Variants in DAB1 observed in about 807,000 individuals in gnomAD.
DAB1 encodes the protein disabled homolog 1.
A neutral mutation model predicts 64.6 loss-of-function variants in DAB1; 15 were observed. The observed-to-expected ratio is 0.23, with a 90% confidence interval of 0.16 to 0.36. The LOEUF (loss-of-function observed/expected upper bound fraction) is 0.36, where lower values mean the gene tolerates loss of function less well. DAB1 is among the 10% of genes least tolerant of loss of function. The probability of loss-of-function intolerance (pLI) is 1.00; values close to 1 mark genes in which losing one functional copy is unlikely to be tolerated. For synonymous variants in DAB1, 235 were observed against 251.9 expected (o/e 0.93, Z 0.64); for missense variants, 596 against 706.7 (o/e 0.84, Z 1.78).
At chr1:58,533,349 T>C (rs1646465969) in intron 1 of DAB1, among the ~76,000 whole-genome samples, 1 of 152,236 alleles carries the variant, frequency 6.6e-6, no homozygotes. Context: ...GTCATGTTAC[T>C]GTTTTTCTAA....
At chr1:58,154,120 A>T (rs572166413) in intron 4 of DAB1, among the ~76,000 whole-genome samples, 2 of 152,126 alleles carry the variant, frequency 1.3e-5, no homozygotes, top group African/African-American at 4.8e-5. Context: ...TGAAGCCTTC[A>T]TTTTAAAAAA....
At chr1:57,134,714 T>G (rs967901944) in intron 4 of DAB1, among the ~76,000 whole-genome samples, 1 of 152,064 alleles carries the variant, frequency 6.6e-6, no homozygotes, top group Non-Finnish European at 1.5e-5. Flanking sequence ...TTAGAAAAGA[T>G]TTATCTTGAG....
intron 3 of DAB1, among the ~76,000 whole-genome samples, chr1:58,408,203 CAGAG>C (rs1030474393): frequency 2.6e-5 from 4 of 152,180 alleles, no homozygotes; most frequent in Non-Finnish European, 5.9e-5. Context: ...AGTGATCTGA[CAGAG>C]AGGCTCATTT....
At position 57,420,567 on chromosome 1, in the gene DAB1, A is replaced by C. The variant is rs567624214; in HGVS notation, c.-137+3363T>G. Among the ~76,000 whole-genome samples the C allele has an allele frequency of 3.9e-5, 6 of 152,360 alleles. 1 individual carries two copies. The South Asian group carries it at 1.2e-3, about 32-fold the overall frequency. On this transcript the variant is annotated intron_variant, in intron 1 of 14. Coordinates refer to ENST00000371236, the MANE Select transcript of DAB1 (RefSeq NM_001365792.1). ...GAAAGGTGACTTGCCAAACATCACA[A>C]AGTCAGAAGTAGCTGGATTCAATCC...
intron 4 of DAB1, among the ~76,000 whole-genome samples, chr1:58,307,846 G>A (rs573280664): frequency 2.6e-5 from 4 of 152,082 alleles, no homozygotes; most frequent in Non-Finnish European, 5.9e-5. Flanking sequence ...ATGAGCTGCA[G>A]ACTTGGCCAG....
At chr1:58,444,041 A>T (rs1645040060) in intron 3 of DAB1, among the ~76,000 whole-genome samples, 1 of 152,238 alleles carries the variant, frequency 6.6e-6, no homozygotes, top group Non-Finnish European at 1.5e-5. Flanking sequence ...CCTAGTGAAT[A>T]GTAATTGCTG....
intron 6 of DAB1, among the ~76,000 whole-genome samples, chr1:57,670,158 T>C (rs1252080766): frequency 6.6e-6 from 1 of 152,180 alleles, no homozygotes; most frequent in Non-Finnish European, 1.5e-5. Flanking sequence ...TTATTAATAA[T>C]AGAGAGGTGC....
intron 4 of DAB1, among the ~76,000 whole-genome samples, chr1:58,191,409 C>T (rs915892705): frequency 4.6e-5 from 7 of 152,002 alleles, no homozygotes; most frequent in African/African-American, 1.7e-4. Flanking sequence ...CAATCGGAAT[C>T]CCAATAATAT....
At chr1:58,524,193 C>T (rs1287041086) in intron 2 of DAB1, among the ~76,000 whole-genome samples, 1 of 152,198 alleles carries the variant, frequency 6.6e-6, no homozygotes, top group Non-Finnish European at 1.5e-5. Flanking sequence ...TCCTTTATGG[C>T]ATTATCTTTT....
At chr1:57,641,379 GTTTTTTTT>G (rs34105483) in intron 7 of DAB1, among the ~76,000 whole-genome samples, 2 of 109,968 alleles carry the variant, frequency 1.8e-5, no homozygotes, top group Admixed American at 2.2e-4. Flanking sequence ...TTTTTTGTTG[GTTTTTTTT>G]TTTTTTTTTT....
intron 7 of DAB1, among the ~76,000 whole-genome samples, chr1:57,443,643 G>T (rs1230184942): frequency 2.6e-5 from 4 of 152,150 alleles, no homozygotes; most frequent in Non-Finnish European, 5.9e-5. Context: ...GAGCACACTT[G>T]TTAAATGCCT....
At chr1:57,995,552 T>G (rs1165460629) in intron 5 of DAB1, among the ~76,000 whole-genome samples, 2 of 152,218 alleles carry the variant, frequency 1.3e-5, no homozygotes, top group Non-Finnish European at 2.9e-5. Flanking sequence ...AGTTGGTTAT[T>G]AATAAAATAT....
chr1:57,758,125 T>C (rs1648903141), intron 6 of DAB1, among the ~76,000 whole-genome samples: 1 of 152,154 alleles, frequency 6.6e-6, no homozygotes, highest in Non-Finnish European at 1.5e-5. Context: ...CTTTATAGAA[T>C]TAAATGGAAT....
chr1:57,559,085 C>G (rs1261379147), intron 7 of DAB1, among the ~76,000 whole-genome samples: 1 of 152,168 alleles, frequency 6.6e-6, no homozygotes, highest in African/African-American at 2.4e-5. Context: ...GTACATTCAA[C>G]CATCAAAGGC....
At chr1:57,219,607 T>A (rs2100374859) in intron 2 of DAB1, among the ~76,000 whole-genome samples, 1 of 152,224 alleles carries the variant, frequency 6.6e-6, no homozygotes, top group South Asian at 2.1e-4. Context: ...TATATAAGAC[T>A]CCATTTTAGC....
At chr1:57,186,675 G>C (rs767487933) in intron 2 of DAB1, among the ~76,000 whole-genome samples, 3 of 152,262 alleles carry the variant, frequency 2.0e-5, no homozygotes, top group East Asian at 1.9e-4. Context: ...ACCCCACAGA[G>C]GCATATTATT....
intron 6 of DAB1, among the ~76,000 whole-genome samples, chr1:57,728,200 T>C (rs749278281): frequency 1.2e-4 from 19 of 152,216 alleles, no homozygotes; most frequent in Non-Finnish European, 2.1e-4. Flanking sequence ...TGCATGTGCC[T>C]GTTTTTTTCT....
intron 1 of DAB1, among the ~76,000 whole-genome samples, chr1:58,540,722 A>G (rs1451922856): frequency 6.6e-6 from 1 of 151,534 alleles, no homozygotes; most frequent in Non-Finnish European, 1.5e-5. Context: ...TAATAAAAAA[A>G]GGCACAGGGC....
At chr1:57,931,013 A>C (rs1007420303) in intron 5 of DAB1, among the ~76,000 whole-genome samples, 1 of 152,106 alleles carries the variant, frequency 6.6e-6, no homozygotes, top group Non-Finnish European at 1.5e-5. Flanking sequence ...TTCTTTCTCA[A>C]ATTGAGGGAG....
Sources: gnomAD v4.1 joint callset for allele counts (sites outside exome capture counted in the v4.1 genomes callset) on GRCh38, gnomAD v4.1.1 for gene constraint, MANE v1.5 for transcripts, NCBI Gene and HGNC (gene_info 2026-07-23, HGNC 2026-07-21) for gene names.